DCX: variants seen among roughly 807,000 people sequenced by gnomAD.
The protein encoded by DCX is neuronal migration protein doublecortin.
Under a neutral mutation model 20.9 loss-of-function variants are expected in DCX, and 4 were observed. The ratio of observed to expected loss-of-function variants is 0.19; its 90% CI spans 0.09 to 0.44. The LOEUF is 0.44. Ranked by LOEUF, DCX falls within the 20% of genes least tolerant of loss-of-function variation. DCX has a pLI of 0.99. For missense variants in DCX, 133 were observed against 296.9 expected, an observed-to-expected ratio of 0.45 and a Z score of 4.06; for synonymous variants, 103 against 111.4, an observed-to-expected ratio of 0.92 and a Z score of 0.47.
At chrX:111,348,939 A>C (rs1201717950) in intron 3 of DCX, among the ~76,000 whole-genome samples, 1 of 111,096 alleles carries the variant, frequency 9.0e-6, no homozygotes, top group East Asian at 2.8e-4. Flanking sequence ...ACAACTTGAC[A>C]CTGGCTCACT....
At chrX:111,322,670 T>G (rs937037640) in intron 5 of DCX, among the ~76,000 whole-genome samples, 2 of 112,165 alleles carry the variant, frequency 1.8e-5, no homozygotes, top group African/African-American at 6.5e-5. Context: ...GTGTCTGGAT[T>G]GCTTTGGCTA....
intron 5 of DCX, among the ~76,000 whole-genome samples, chrX:111,326,544 C>T (rs1317525726): frequency 8.9e-6 from 1 of 111,889 alleles, no homozygotes; most frequent in African/African-American, 3.2e-5. Context: ...ATAGGAGCCT[C>T]CTGGGCTCAG....
In DCX at chrX:111,343,406, G is replaced by A. The variant is rs1440778475; in HGVS notation, c.706-10253C>T. ...GAATCCCTGACTGGACCAATAACAA[G>A]TTCTGAAATTGAGTCAGTAATTAAT... On this transcript the variant is annotated intron_variant, in intron 3 of 6. Transcript: ENST00000636035. 5.9e-5 allele frequency among the ~76,000 whole-genome samples: 6 copies of A among 100,881 alleles called. No homozygotes were observed. The East Asian group carries it at 1.6e-3, about 27-fold the overall frequency. The allele number at this position is 100,881 out of a possible 115,157, so 87.6% of individuals were successfully genotyped here.
In DCX at chrX:111,294,398, G is replaced by C. The variant is rs760673673; in HGVS notation, c.*7289C>G. The C allele has an allele frequency of 9.1e-6, 1 of 110,170 alleles. No individual in the cohort carries two copies. The highest frequency in any genetic ancestry group is 1.9e-5 in the Non-Finnish European group (1 of 52,825). 9.1% of individuals were successfully genotyped at this position (110,170 alleles called of 1,213,427 possible). On this transcript the variant is annotated 3_prime_UTR_variant, in exon 7 of 7. Coordinates refer to ENST00000636035, the MANE Select transcript of DCX (RefSeq NM_001195553.2). ...TATCTTAAAACAGCTGCAGGGATAA[G>C]GGACATCACTACCTACTGTCTTTGG...
At chrX:111,411,005 G>A (rs369347856) in intron 1 of DCX, 39 of 1,114,421 alleles carry the variant, frequency 3.5e-5, no homozygotes, top group South Asian at 3.3e-4. Context: ...CTACTCTAAT[G>A]TGTGCATCCC....
At chrX:111,373,731 G>T (rs1440425034) in intron 3 of DCX, among the ~76,000 whole-genome samples, 1 of 111,273 alleles carries the variant, frequency 9.0e-6, no homozygotes, top group Non-Finnish European at 1.9e-5. Flanking sequence ...ATGAATATAT[G>T]CCATTTTTGA....
At chrX:111,334,809 A>G (rs1921573410) in intron 3 of DCX, among the ~76,000 whole-genome samples, 1 of 112,230 alleles carries the variant, frequency 8.9e-6, no homozygotes. Flanking sequence ...ACATCGAAAT[A>G]GAGCATTTCA....
intron 3 of DCX, among the ~76,000 whole-genome samples, chrX:111,396,757 T>C (rs1244758174): frequency 8.9e-6 from 1 of 112,007 alleles, no homozygotes; most frequent in Admixed American, 9.5e-5. Context: ...CACCTGCAAG[T>C]GAACTAATAT....
At chrX:111,385,775 G>A (rs6655142) in intron 3 of DCX, among the ~76,000 whole-genome samples, 3 of 79,803 alleles carry the variant, frequency 3.8e-5, no homozygotes, top group Admixed American at 1.6e-4. Flanking sequence ...GAGGGAAGGA[G>A]GGAGGGAGGG....
At chrX:111,374,992 G>GA (rs138979523) in intron 3 of DCX, among the ~76,000 whole-genome samples, 22 of 101,336 alleles carry the variant, frequency 2.2e-4, no homozygotes, top group Middle Eastern at 9.3e-3. Flanking sequence ...TATAATGAAT[G>GA]AAAAAAAATC....
intron 3 of DCX, among the ~76,000 whole-genome samples, chrX:111,380,884 T>C: frequency 9.0e-6 from 1 of 111,236 alleles, no homozygotes; most frequent in Middle Eastern, 4.6e-3. Context: ...ATATTATCTT[T>C]TTTTTGAAAA....
chrX:111,410,706 C>T, intron 1 of DCX: 1 of 1,150,329 alleles, frequency 8.7e-7, no homozygotes. Context: ...CTGTTCCAGA[C>T]AGAGGAGAAG....
chrX:111,324,770 G>A (rs1310094032), intron 5 of DCX, among the ~76,000 whole-genome samples: 1 of 111,956 alleles, frequency 8.9e-6, no homozygotes, highest in African/African-American at 3.2e-5. Context: ...CTTAGTGGCA[G>A]GGAATTCATC....
At chrX:111,325,719 T>A (rs2095098287) in intron 5 of DCX, among the ~76,000 whole-genome samples, 1 of 112,365 alleles carries the variant, frequency 8.9e-6, no homozygotes, top group Non-Finnish European at 1.9e-5. Context: ...AAAATACAAC[T>A]CAATTTCAAA....
chrX:111,388,568 A>G (rs917409526), intron 3 of DCX, among the ~76,000 whole-genome samples: 2 of 112,512 alleles, frequency 1.8e-5, no homozygotes, highest in African/African-American at 6.5e-5. Context: ...TGGTCTAAAC[A>G]CAAGCAGGTT....
intron 3 of DCX, among the ~76,000 whole-genome samples, chrX:111,355,427 C>T (rs1923655026): frequency 9.0e-6 from 1 of 111,061 alleles, no homozygotes; most frequent in African/African-American, 3.3e-5. Flanking sequence ...CATATACAGC[C>T]TGAAATACAT....
chrX:111,390,899 T>G (rs1926887563), intron 3 of DCX, among the ~76,000 whole-genome samples: 1 of 108,282 alleles, frequency 9.2e-6, no homozygotes, highest in African/African-American at 3.4e-5. Context: ...CTCAAGAAGC[T>G]GAGGCTGAGG....
chrX:111,308,111 C>T (rs753874837), intron 6 of DCX, among the ~76,000 whole-genome samples: 1 of 112,288 alleles, frequency 8.9e-6, no homozygotes, highest in Non-Finnish European at 1.9e-5. Flanking sequence ...TCTCAACATT[C>T]TGTTTTTGTT....
At position 111,316,094 on chromosome X, in the gene DCX, A is replaced by AAAAT. The variant is rs1569486394; in HGVS notation, c.947-3359_947-3358insATTT. Among the ~76,000 whole-genome samples, 48 of 94,439 alleles carry AAAAT rather than the reference A, an allele frequency of 5.1e-4. 3 individuals carry two copies. The highest frequency in any genetic ancestry group is 2.3e-3 in the African/African-American group (45 of 19,162). 82.0% of individuals were successfully genotyped at this position (94,439 alleles called of 115,157 possible). ...TAGAGTATAATAAAAAATAAAAAAA[A>AAAAT]AAAAAAAAAAAAAAAATGTTAAGGG... On this transcript the variant is annotated intron_variant, in intron 5 of 6. Transcript: ENST00000636035.
Sources: allele counts gnomAD v4.1 joint callset (sites outside exome capture counted in the v4.1 genomes callset), GRCh38; gene constraint gnomAD v4.1.1; transcripts MANE v1.5; gene names NCBI Gene and HGNC (gene_info 2026-07-23, HGNC 2026-07-21).